Variants in FHOD1 observed in about 807,000 individuals in gnomAD.
The protein encoded by FHOD1 is formin homology 2 domain containing 1, also known as FH1/FH2 domain-containing protein 1.
FHOD1 carries 89 observed loss-of-function variants against 111.6 expected under a neutral mutation model. The ratio of observed to expected loss-of-function variants is 0.80; its 90% CI spans 0.67 to 0.95. The LOEUF (loss-of-function observed/expected upper bound fraction) is 0.95. Among genes scored for constraint, FHOD1 ranks in the 40% least tolerant of loss-of-function variants. The pLI, the probability that FHOD1 is intolerant of heterozygous loss-of-function variation, is 0.00. For missense variants in FHOD1, 1,446 were observed against 1,554.2 expected, an observed-to-expected ratio of 0.93 and a Z score of 1.17; for synonymous variants, 618 against 639.0, an observed-to-expected ratio of 0.97 and a Z score of 0.50.
chr16:67,229,596 G>A lies in FHOD1; in HGVS notation c.*40C>T. ...TCCTCACTCTGTCATCTCCTGCACTGCAGTCCAGGGTCCAGATAGATTTCC... is the reference window on the plus strand; with the variant it reads ...TCCTCACTCTGTCATCTCCTGCACTACAGTCCAGGGTCCAGATAGATTTCC... On this transcript the variant is annotated 3_prime_UTR_variant, in exon 22 of 22. Coordinates refer to ENST00000258201, the MANE Select transcript of FHOD1 (RefSeq NM_013241.3). 6.4e-7 allele frequency: 1 copy of A among 1,564,538 alleles called. No individual in the cohort carries two copies. The highest frequency in any genetic ancestry group is 8.8e-7 in the Non-Finnish European group (1 of 1,134,868).
At chr16:67,232,270 C>A (rs1373032048) in intron 13 of FHOD1, 76 bp from the exon 14 acceptor site, 1 of 1,516,294 alleles carries the variant, frequency 6.6e-7, no homozygotes, top group Non-Finnish European at 9.0e-7. Context: ...GTAATCCCAG[C>A]ACTTTGGGAG....
chr16:67,243,808 C>T (rs2034732870), intron 1 of FHOD1, among the ~76,000 whole-genome samples: 1 of 152,218 alleles, frequency 6.6e-6, no homozygotes, highest in South Asian at 2.1e-4. Context: ...TAGACACACG[C>T]ACCCCATGCA....
Position 67,231,873 on chromosome 16 carries a change from G to A in FHOD1, c.2203-54C>T. The stretch of plus-strand genomic sequence containing the variant: ...CCCCCTCAATGCAGGCCTGAGGCCT[G>A]AGGCATTGGTCTTGACCCCTCAGTC... On this transcript the variant is annotated intron_variant, in intron 14 of 21. Coordinates refer to ENST00000258201, the MANE Select transcript of FHOD1 (RefSeq NM_013241.3). The surrounding 1 kb of genome is among the most constrained non-coding windows in gnomAD (Gnocchi z 4.3). The A allele has an allele frequency of 1.9e-6, 3 of 1,579,744 alleles. No individual in the cohort carries two copies. The highest frequency in any genetic ancestry group is 1.2e-5 in the South Asian group (1 of 86,866).
chr16:67,231,544 A>G lies in FHOD1; in HGVS notation c.2391T>C (p.Ile797=). Residue 797 remains isoleucine (I), a synonymous_variant, in exon 16 of 22, where the codon ATT becomes ATC. Coordinates refer to ENST00000258201, the MANE Select transcript of FHOD1 (RefSeq NM_013241.3). The surrounding 1 kb of genome is among the most constrained non-coding windows in gnomAD (Gnocchi z 4.3). ...CTTTCAGGTCAAACAGTGGCTCAGC[A>G]ATTTCCTGGTATGGGAGACCAGGGA... The part of the protein sequence containing the change: ...KLDYDSMERE[I]AEPLFDLKVG... 1 of 1,614,144 alleles carries G rather than the reference A, an allele frequency of 6.2e-7. No homozygotes were observed. The highest frequency in any genetic ancestry group is 8.5e-7 in the Non-Finnish European group (1 of 1,180,032).
chr16:67,247,046 G>T (rs2034876975), intron 1 of FHOD1, 164 bp downstream of exon 1: 1 of 748,440 alleles, frequency 1.3e-6, no homozygotes, highest in Non-Finnish European at 2.0e-6. Flanking sequence ...CTTGAGAGGG[G>T]ACTCCCCCGC....
chr16:67,239,721 C>T (rs755689421), intron 1 of FHOD1, among the ~76,000 whole-genome samples: 11 of 152,216 alleles, frequency 7.2e-5, no homozygotes, highest in Non-Finnish European at 1.2e-4. Flanking sequence ...ATGCAACCCA[C>T]TCCACCCTGT....
rs569469386 is a variant in FHOD1, at chr16:67,237,546, C to G, written c.778G>C (p.Val260Leu). ...CCATTCTTCTCCTCCAGGATGGACA[C>G]CAGATTGGCCCAGGGAGGAGCACCT... is the stretch of plus-strand genomic sequence containing the variant. ...TTGAPPWANL[V>L]SILEEKNGAD... The change falls in exon 8 of 22, where the codon GTG becomes CTG. Residue 260 changes from valine to leucine, a missense_variant. By Grantham distance (32) the Val-to-Leu change is conservative (BLOSUM62 1). Transcript: ENST00000258201. This position sits in a 1 kb window ranked among gnomAD's most constrained non-coding sequence, Gnocchi z 5.6. The G allele has an allele frequency of 2.5e-6, 4 of 1,614,098 alleles. No individual in the cohort carries two copies. The South Asian group carries it at 4.4e-5, about 18-fold the overall frequency.
Position 67,237,118 on chromosome 16 carries a change from G to A in FHOD1, c.994-4C>T, listed in dbSNP as rs758604440. The A allele has an allele frequency of 1.2e-6, 2 of 1,608,884 alleles. No homozygotes were observed. The highest frequency in any genetic ancestry group is 1.7e-6 in the Non-Finnish European group (2 of 1,177,622). On this transcript the variant is annotated splice_polypyrimidine_tract_variant and splice_region_variant and intron_variant, in intron 9 of 21. Transcript: ENST00000258201. This position sits in a 1 kb window ranked among gnomAD's most constrained non-coding sequence, Gnocchi z 5.6. ...CATCCTCCAATTTCAGGGCGTTCTAGCAGAGGCGGACCAGGATGTAAGAAA... is the reference window on the plus strand; with the variant it reads ...CATCCTCCAATTTCAGGGCGTTCTAACAGAGGCGGACCAGGATGTAAGAAA...
Position 67,234,413 on chromosome 16 carries a change from T to C in FHOD1, c.1379A>G (p.Gln460Arg). ...AETEKQVALAQGRAETLAGAM... is the reference protein window; with the variant it reads ...AETEKQVALARGRAETLAGAM... ...CCCGGCAAGTGTCTCTGCCCGGCCC[T>C]GGGCCAGCGCAACCTGCTTCTCTGT... The change falls in exon 12 of 22, where the codon CAG (glutamine) becomes CGG (arginine). Residue 460 changes from glutamine (Q) to arginine (R), a missense_variant. Gln to Arg is a conservative substitution (Grantham distance 43). Transcript: ENST00000258201. 6.2e-7 allele frequency: 1 copy of C among 1,609,552 alleles called. No homozygotes were observed. The highest frequency in any genetic ancestry group is 8.5e-7 in the Non-Finnish European group (1 of 1,179,352).
At position 67,233,955 on chromosome 16, in the gene FHOD1, G is replaced by A; in HGVS notation, c.1748C>T (p.Pro583Leu). Reference sequence around the variant, plus strand: ...GGGAGGTGGAAGTGGGGGAGGGGGGGGTACTCCCGAGAGCAGGGGCAGTGG... The same window carrying A: ...GGGAGGTGGAAGTGGGGGAGGGGGGAGTACTCCCGAGAGCAGGGGCAGTGG... ...SPPLPLLSGV[P>L]PPPPLPPPPP... The change falls in exon 13 of 22, where the codon CCC (proline) becomes CTC (leucine). Residue 583 changes from proline (P) to leucine (L), a missense_variant. Around this residue, in one of 3 missense-constraint regions of FHOD1, gnomAD observed 1,085 missense variants for 1,108.8 expected, o/e 0.98. Coordinates refer to ENST00000258201, the MANE Select transcript of FHOD1 (RefSeq NM_013241.3). 2 of 1,566,948 alleles carry A rather than the reference G, an allele frequency of 1.3e-6. No homozygotes were observed. Among genetic ancestry groups the A allele is most frequent in the Non-Finnish European group, 8.7e-7 (1 of 1,145,264 alleles).
rs751300179 is a variant in FHOD1 at position 67,238,303 on chromosome 16, T to C, written c.446A>G (p.Asp149Gly). The C allele has an allele frequency of 6.2e-7, 1 of 1,614,064 alleles. No individual in the cohort carries two copies. The highest frequency in any genetic ancestry group is 8.5e-7 in the Non-Finnish European group (1 of 1,179,990). Residue 149 changes from aspartate (D) to glycine (G), a missense_variant, in exon 5 of 22, where the codon GAC becomes GGC. Around this residue, in one of 3 missense-constraint regions of FHOD1, gnomAD observed 234 missense variants for 327.4 expected, o/e 0.71. Coordinates refer to ENST00000258201, the MANE Select transcript of FHOD1 (RefSeq NM_013241.3). The surrounding 1 kb of genome is among the most constrained non-coding windows in gnomAD (Gnocchi z 4.2). Reference protein sequence around the residue: ...LFSLKQIFQEDKDLVPEFVHS... With the variant: ...LFSLKQIFQEGKDLVPEFVHS... Reference sequence around the variant, plus strand: ...CACAAATTCAGGCACCAGGTCTTTGTCCTCCTAGAGGCACCATGGGGGAGT... The same window carrying C: ...CACAAATTCAGGCACCAGGTCTTTGCCCTCCTAGAGGCACCATGGGGGAGT...
Position 67,231,882 on chromosome 16 carries a change from G to A in FHOD1, c.2203-63C>T. ...TGCAGGCCTGAGGCCTGAGGCATTG[G>A]TCTTGACCCCTCAGTCATCTAGGGG... On this transcript the variant is annotated intron_variant, in intron 14 of 21. Coordinates refer to ENST00000258201, the MANE Select transcript of FHOD1 (RefSeq NM_013241.3). This position sits in a 1 kb window ranked among gnomAD's most constrained non-coding sequence, Gnocchi z 4.3. 1 of 1,566,900 alleles carries A rather than the reference G, an allele frequency of 6.4e-7. No homozygotes were observed. Among genetic ancestry groups the A allele is most frequent in the South Asian group, 1.2e-5 (1 of 85,350 alleles).
In FHOD1 at chr16:67,247,220, G is replaced by A; in HGVS notation, c.191C>T (p.Ala64Val). The change falls in exon 1 of 22, where the codon GCG becomes GTG. Residue 64 changes from alanine (A) to valine (V), a missense_variant. Physicochemically the swap from Ala to Val is moderately conservative, Grantham distance 64. Around this residue, in one of 3 missense-constraint regions of FHOD1, gnomAD observed 127 missense variants for 118.0 expected, o/e 1.08. Coordinates refer to ENST00000258201, the MANE Select transcript of FHOD1 (RefSeq NM_013241.3). ...QIPAVHRLLG[A>V]PLKLEDCALQ... ...TCCGGCCTCCCTCACCTTGAGCGGC[G>A]CTCCCAGCAGGCGGTGCACCGCGGG... is the stretch of plus-strand genomic sequence containing the variant. The A allele has an allele frequency of 1.3e-6, 2 of 1,584,542 alleles. No individual in the cohort carries two copies. Among genetic ancestry groups the A allele is most frequent in the Admixed American group, 1.8e-5 (1 of 56,532 alleles).
At position 67,231,028 on chromosome 16, in the gene FHOD1, GAGGAA is replaced by G; in HGVS notation, c.2667+155_2667+159del. ...CTGAGTAGGTGTGGCCAGGCCAATA[GAGGAA>G]AGAGCATTTCTGGCAGAGGGCATAG... On this transcript the variant is annotated intron_variant, in intron 17 of 21. Transcript: ENST00000258201. The surrounding 1 kb of genome is among the most constrained non-coding windows in gnomAD (Gnocchi z 4.3). The G allele has an allele frequency of 9.9e-7, 1 of 1,012,182 alleles. No homozygotes were observed. The highest frequency in any genetic ancestry group is 1.4e-6 in the Non-Finnish European group (1 of 700,768). 62.7% of individuals were successfully genotyped at this position (1,012,182 alleles called of 1,614,324 possible).
chr16:67,230,367 TCTGCTG>T lies in FHOD1; in HGVS notation c.2992_2997del (p.Gln998_Gln999del). 6.2e-7 allele frequency: 1 copy of T among 1,614,226 alleles called. No individual in the cohort carries two copies. Among genetic ancestry groups the T allele is most frequent in the Non-Finnish European group, 8.5e-7 (1 of 1,180,034 alleles). Reference sequence around the variant, plus strand: ...TTGCGCTCACGGTATGTGGCCTGCTTCTGCTGCTGCTGTAGCACTCGTTCCCGGCAA... The same window carrying T: ...TTGCGCTCACGGTATGTGGCCTGCTTCTGCTGTAGCACTCGTTCCCGGCAA... On this transcript the variant is annotated inframe_deletion, in exon 19 of 22. Transcript: ENST00000258201.
At chr16:67,244,241 G>C (rs2034746168) in intron 1 of FHOD1, among the ~76,000 whole-genome samples, 1 of 152,156 alleles carries the variant, frequency 6.6e-6, no homozygotes, top group Admixed American at 6.5e-5. Flanking sequence ...TGCTATACCA[G>C]GTGTGGTAGG....
chr16:67,234,609 C>T, intron 11 of FHOD1, 137 bp from the exon 12 acceptor site: 1 of 701,736 alleles, frequency 1.4e-6, no homozygotes, highest in Non-Finnish European at 2.4e-6. Context: ...GCTGAGCAGA[C>T]CAGAACCACA....
Position 67,231,907 on chromosome 16 carries a change from G to A in FHOD1, c.2203-88C>T. 6.5e-7 allele frequency: 1 copy of A among 1,537,690 alleles called. No individual in the cohort carries two copies. Among genetic ancestry groups the A allele is most frequent in the Non-Finnish European group, 8.8e-7 (1 of 1,135,248 alleles). Reference sequence around the variant, plus strand: ...GTCTTGACCCCTCAGTCATCTAGGGGAGGCCCCAGTGTCTGGGGACTGCCC... The same window carrying A: ...GTCTTGACCCCTCAGTCATCTAGGGAAGGCCCCAGTGTCTGGGGACTGCCC... On this transcript the variant is annotated intron_variant, in intron 14 of 21. Transcript: ENST00000258201. The surrounding 1 kb of genome is among the most constrained non-coding windows in gnomAD (Gnocchi z 4.3).
At chr16:67,232,443 C>T (rs1005711812) in intron 13 of FHOD1, among the ~76,000 whole-genome samples, 7 of 147,952 alleles carry the variant, frequency 4.7e-5, no homozygotes, top group Admixed American at 2.1e-4. Flanking sequence ...GGCGTGAACC[C>T]GGGAGGCGGA....
Sources: allele counts gnomAD v4.1 joint callset (sites outside exome capture counted in the v4.1 genomes callset), GRCh38; gene constraint gnomAD v4.1.1; regional missense constraint gnomAD v4.1.1; non-coding constraint Gnocchi (gnomAD v3.1); transcripts MANE v1.5; gene names NCBI Gene and HGNC (gene_info 2026-07-23, HGNC 2026-07-21).